AGBL4: variants seen among roughly 807,000 people sequenced by gnomAD.
AGBL4 encodes cytosolic carboxypeptidase 6.
Under a neutral mutation model 66.4 loss-of-function variants are expected in AGBL4, and 58 were observed. The observed-to-expected ratio is 0.87, with a 90% CI of 0.71 to 1.09. The LOEUF is 1.09. Ranked by LOEUF, AGBL4 falls within the 50% of genes least tolerant of loss-of-function variation. AGBL4 has a pLI of 0.00. For synonymous variants in AGBL4, 234 were observed against 222.9 expected (o/e 1.05, Z -0.44); for missense variants, 579 against 631.0 (o/e 0.92, Z 0.88).
intron 2 of AGBL4, among the ~76,000 whole-genome samples, chr1:49,839,281 TGAGTCAGAAACAA>T (rs1445471956): frequency 6.6e-6 from 1 of 152,222 alleles, no homozygotes; most frequent in Non-Finnish European, 1.5e-5. Flanking sequence ...GTTTCAATTA[TGAGTCAGAAACAA>T]GGAACAGAAT....
chr1:49,079,078 A>G (rs1644761788), intron 4 of AGBL4, among the ~76,000 whole-genome samples: 1 of 152,208 alleles, frequency 6.6e-6, no homozygotes, highest in South Asian at 2.1e-4. Context: ...TGATTAATAG[A>G]CATCTATTAA....
intron 1 of AGBL4, among the ~76,000 whole-genome samples, chr1:50,008,100 C>A (rs530192848): frequency 6.6e-6 from 1 of 152,142 alleles, no homozygotes; most frequent in African/African-American, 2.4e-5. Context: ...CAACACCCTG[C>A]TTTTAGCACT....
chr1:49,947,973 TTTA>T (rs1557607216), intron 1 of AGBL4, among the ~76,000 whole-genome samples: 2 of 73,776 alleles, frequency 2.7e-5, no homozygotes, highest in East Asian at 7.1e-4. Flanking sequence ...AATATATATA[TTTA>T]TAAATATATA....
chr1:49,845,496 T>C, intron 2 of AGBL4: 1 of 1,575,166 alleles, frequency 6.3e-7, no homozygotes, highest in Admixed American at 1.7e-5. Flanking sequence ...AGAAACCCTA[T>C]CAGTGTGGTG....
intron 4 of AGBL4, among the ~76,000 whole-genome samples, chr1:49,121,318 C>A (rs902209742): frequency 2.0e-5 from 3 of 152,176 alleles, no homozygotes; most frequent in Non-Finnish European, 4.4e-5. Flanking sequence ...AGCTTTTCTG[C>A]CTTGGTTTCT....
At chr1:48,672,105 A>T (rs1646285928) in intron 6 of AGBL4, among the ~76,000 whole-genome samples, 1 of 152,242 alleles carries the variant, frequency 6.6e-6, no homozygotes, top group Admixed American at 6.5e-5. Flanking sequence ...AAACTTGATA[A>T]ATATGTAAAT....
intron 3 of AGBL4, among the ~76,000 whole-genome samples, chr1:49,472,389 T>C (rs1476057024): frequency 6.6e-6 from 1 of 152,000 alleles, no homozygotes; most frequent in Non-Finnish European, 1.5e-5. Flanking sequence ...CTGGCAACGA[T>C]TTTAAAGTAG....
intron 3 of AGBL4, among the ~76,000 whole-genome samples, chr1:49,335,269 T>C (rs1645410934): frequency 6.6e-6 from 1 of 152,212 alleles, no homozygotes; most frequent in Non-Finnish European, 1.5e-5. Flanking sequence ...CAAGTCATGT[T>C]GACGCAACCA....
chr1:49,215,983 A>G (rs1649055526), intron 4 of AGBL4, among the ~76,000 whole-genome samples: 1 of 152,134 alleles, frequency 6.6e-6, no homozygotes, highest in Non-Finnish European at 1.5e-5. Context: ...TACAGTATAA[A>G]ACATCTGAGA....
At chr1:49,682,969 G>T (rs1297076307) in intron 3 of AGBL4, among the ~76,000 whole-genome samples, 1 of 152,172 alleles carries the variant, frequency 6.6e-6, no homozygotes, top group Non-Finnish European at 1.5e-5. Context: ...GGGGCTCAGA[G>T]AAAGGTTCTA....
At chr1:49,378,729 C>T (rs886338001) in intron 3 of AGBL4, among the ~76,000 whole-genome samples, 2 of 152,124 alleles carry the variant, frequency 1.3e-5, no homozygotes, top group African/African-American at 2.4e-5. Context: ...GGAAAAGCCC[C>T]AGACTGTGAT....
At chr1:49,307,598 A>G (rs1644870238) in intron 3 of AGBL4, among the ~76,000 whole-genome samples, 1 of 152,098 alleles carries the variant, frequency 6.6e-6, no homozygotes, top group Admixed American at 6.6e-5. Context: ...CTGAATATTT[A>G]CTCTGCAAAT....
intron 5 of AGBL4, among the ~76,000 whole-genome samples, chr1:48,953,870 T>A (rs187616520): frequency 6.6e-6 from 1 of 152,332 alleles, no homozygotes; most frequent in Non-Finnish European, 1.5e-5. Flanking sequence ...GGCATTTGCC[T>A]AAATCTAGCC....
At chr1:48,700,405 A>G (rs1646783237) in intron 6 of AGBL4, among the ~76,000 whole-genome samples, 1 of 152,218 alleles carries the variant, frequency 6.6e-6, no homozygotes, top group African/African-American at 2.4e-5. Flanking sequence ...TGCATGGAGC[A>G]TGGGGCTTTG....
intron 2 of AGBL4, among the ~76,000 whole-genome samples, chr1:49,745,864 C>CA (rs927732976): frequency 6.6e-6 from 1 of 151,520 alleles, no homozygotes; most frequent in Non-Finnish European, 1.5e-5. Context: ...ACAGAAACAA[C>CA]AAAAAAACCC....
intron 5 of AGBL4, among the ~76,000 whole-genome samples, chr1:48,878,581 A>T (rs986813101): frequency 2.0e-5 from 3 of 152,046 alleles, no homozygotes; most frequent in African/African-American, 7.2e-5. Context: ...AGCACCTTGT[A>T]TTACCCTTGG....
At chr1:49,481,283 G>A (rs1646950916) in intron 3 of AGBL4, among the ~76,000 whole-genome samples, 1 of 151,978 alleles carries the variant, frequency 6.6e-6, no homozygotes, top group South Asian at 2.1e-4. Flanking sequence ...TTTTCCACTT[G>A]TTTGTGTCAT....
At chr1:48,858,704 G>A (rs888283346) in intron 6 of AGBL4, among the ~76,000 whole-genome samples, 2 of 152,116 alleles carry the variant, frequency 1.3e-5, no homozygotes, top group African/African-American at 2.4e-5. Flanking sequence ...ACTGCCAGTC[G>A]GTATGGAGTT....
At chr1:48,724,966 A>G (rs1647209739) in intron 6 of AGBL4, among the ~76,000 whole-genome samples, 1 of 152,166 alleles carries the variant, frequency 6.6e-6, no homozygotes, top group South Asian at 2.1e-4. Flanking sequence ...CAAGAATCCA[A>G]AGACTCTAAG....
Sources: allele counts gnomAD v4.1 joint callset (sites outside exome capture counted in the v4.1 genomes callset), GRCh38; gene constraint gnomAD v4.1.1; transcripts MANE v1.5; gene names NCBI Gene and HGNC (gene_info 2026-07-23, HGNC 2026-07-21).